TTLL7: variants seen among roughly 807,000 people sequenced by gnomAD.
TTLL7 encodes tubulin polyglutamylase TTLL7.
TTLL7 carries 53 observed loss-of-function variants against 120.2 expected under a neutral mutation model. The observed-to-expected ratio is 0.44, with a 90% confidence interval of 0.35 to 0.55. The LOEUF is 0.55. TTLL7 is among the 20% of genes least tolerant of loss of function. TTLL7 has a pLI of 0.00. For synonymous variants in TTLL7, 353 were observed against 351.7 expected (o/e 1.00, Z -0.04); for missense variants, 803 against 1,054.7 (o/e 0.76, Z 3.31).
intron 12 of TTLL7, chr1:83,920,376 C>A (rs563900803): frequency 6.6e-6 from 1 of 152,396 alleles, no homozygotes; most frequent in South Asian, 2.1e-4. Context: ...CTGAAGTATA[C>A]AAAAATGTAA....
intron 1 of TTLL7, among the ~76,000 whole-genome samples, chr1:83,967,481 G>C (rs963903433): frequency 6.6e-6 from 1 of 152,036 alleles, no homozygotes; most frequent in African/African-American, 2.4e-5. Context: ...AGGGGGAAAG[G>C]GCTGAACCTG....
intron 14 of TTLL7, chr1:83,912,900 G>A (rs573492322): frequency 1.3e-5 from 2 of 152,260 alleles, no homozygotes; most frequent in African/African-American, 4.8e-5. Flanking sequence ...ATGAATTCTA[G>A]AGGAAGGTTG....
chr1:83,976,446 G>C (rs1254113572), intron 1 of TTLL7, among the ~76,000 whole-genome samples: 2 of 152,034 alleles, frequency 1.3e-5, no homozygotes, highest in Non-Finnish European at 2.9e-5. Context: ...AAACAAAACA[G>C]AGAGTTTGAT....
chr1:83,947,882 T>A (rs997397984), intron 5 of TTLL7, among the ~76,000 whole-genome samples: 1 of 152,016 alleles, frequency 6.6e-6, no homozygotes, highest in African/African-American at 2.4e-5. Flanking sequence ...TTTTAAAAAA[T>A]TATCAGTTTA....
intron 18 of TTLL7, 40 bp from the exon 19 acceptor site, chr1:83,890,521 T>C: frequency 1.3e-6 from 2 of 1,522,544 alleles, no homozygotes; most frequent in Non-Finnish European, 1.8e-6. Flanking sequence ...TAGGAATGTA[T>C]ATCTGTGTCT....
At chr1:83,899,273 A>T (rs956395474) in intron 18 of TTLL7, among the ~76,000 whole-genome samples, 2 of 151,866 alleles carry the variant, frequency 1.3e-5, no homozygotes, top group Admixed American at 1.3e-4. Flanking sequence ...GAAATTTGAG[A>T]CTGTTTTGGG....
At chr1:83,941,965 CTACT>C (rs1416699706) in intron 7 of TTLL7, among the ~76,000 whole-genome samples, 9 of 152,120 alleles carry the variant, frequency 5.9e-5, no homozygotes, top group Admixed American at 3.3e-4. Context: ...AAATTAATAA[CTACT>C]TTCTGATAAC....
chr1:83,916,978 G>T (rs567106374), intron 14 of TTLL7, among the ~76,000 whole-genome samples: 1 of 151,898 alleles, frequency 6.6e-6, no homozygotes, highest in Non-Finnish European at 1.5e-5. Context: ...GCATGTGCCT[G>T]TAATCCCAGC....
intron 7 of TTLL7, 32 bp from the exon 8 acceptor site, chr1:83,938,048 C>G: frequency 6.2e-7 from 1 of 1,606,180 alleles, no homozygotes; most frequent in Non-Finnish European, 8.5e-7. Context: ...GTTGTTACCA[C>G]CTATGACATC....
chr1:83,943,231 T>C (rs143566356), intron 6 of TTLL7, among the ~76,000 whole-genome samples: 429 of 152,248 alleles, frequency 2.8e-3, no homozygotes, highest in African/African-American at 9.7e-3. Flanking sequence ...GGGCAGACAA[T>C]AGACCAATTA....
chr1:83,988,222 T>C (rs1652660709), intron 1 of TTLL7, among the ~76,000 whole-genome samples: 1 of 152,238 alleles, frequency 6.6e-6, no homozygotes, highest in African/African-American at 2.4e-5. Flanking sequence ...TCATTCTTTT[T>C]ATGGCTGCGT....
intron 1 of TTLL7, among the ~76,000 whole-genome samples, chr1:83,998,252 A>G (rs1362014478): frequency 6.6e-6 from 1 of 152,220 alleles, no homozygotes; most frequent in Non-Finnish European, 1.5e-5. Flanking sequence ...TTAATAAAAT[A>G]CGATATATAA....
At chr1:83,997,426 A>G (rs1653585692) in intron 1 of TTLL7, among the ~76,000 whole-genome samples, 1 of 152,234 alleles carries the variant, frequency 6.6e-6, no homozygotes, top group Non-Finnish European at 1.5e-5. Context: ...GAAGGTCAAT[A>G]TAATTGTTGA....
At chr1:83,893,981 AT>A (rs1656006030) in intron 18 of TTLL7, among the ~76,000 whole-genome samples, 1 of 152,126 alleles carries the variant, frequency 6.6e-6, no homozygotes, top group African/African-American at 2.4e-5. Context: ...TCACAACAAT[AT>A]TGAAATATGA....
intron 19 of TTLL7, among the ~76,000 whole-genome samples, chr1:83,888,769 TAAG>T (rs950933365): frequency 2.0e-5 from 3 of 151,630 alleles, no homozygotes; most frequent in Non-Finnish European, 4.4e-5. Context: ...ACTGGGGAAA[TAAG>T]AAGAAAACAG....
At chr1:83,900,198 A>T in intron 18 of TTLL7, 1 of 439,086 alleles carries the variant, frequency 2.3e-6, no homozygotes, top group Non-Finnish European at 4.5e-6. Flanking sequence ...CTAACTAGTA[A>T]GGAAAGAAGA....
At position 83,867,647 on chromosome 1, in the gene TTLL7, C is replaced by T. The variant is rs567661089; in HGVS notation, c.*2315G>A. 1.3e-4 allele frequency: 19 copies of T among 151,964 alleles called. No individual in the cohort carries two copies. Among genetic ancestry groups the T allele is most frequent in the African/African-American group, 4.1e-4 (17 of 41,498 alleles). 9.4% of individuals were successfully genotyped at this position (151,964 alleles called of 1,614,324 possible). Reference sequence around the variant, plus strand: ...TGGTACAAAAGTTGCAAAGCACACACTCCAGCAAATTAAGTAATTATTTGT... The same window carrying T: ...TGGTACAAAAGTTGCAAAGCACACATTCCAGCAAATTAAGTAATTATTTGT... On this transcript the variant is annotated 3_prime_UTR_variant, in exon 21 of 21. Coordinates refer to ENST00000260505, the MANE Select transcript of TTLL7 (RefSeq NM_024686.6).
intron 20 of TTLL7, among the ~76,000 whole-genome samples, chr1:83,873,146 A>G (rs552810074): frequency 1.3e-5 from 2 of 152,336 alleles, no homozygotes; most frequent in South Asian, 2.1e-4. Flanking sequence ...CCGCAAACCT[A>G]AACTTTTTCA....
In TTLL7 at chr1:83,869,946, G is replaced by A. The variant is rs772800228; in HGVS notation, c.*16C>T. On this transcript the variant is annotated 3_prime_UTR_variant, in exon 21 of 21. Transcript: ENST00000260505. ...ATTGCTGTTATGTATAACCAATGGC[G>A]ATCTTCCCTTCTGTTTCACAGATGG... The A allele has an allele frequency of 5.0e-6, 8 of 1,593,406 alleles. No individual in the cohort carries two copies. Among genetic ancestry groups the A allele is most frequent in the South Asian group, 1.2e-5 (1 of 86,136 alleles).
Sources: allele counts gnomAD v4.1 joint callset (sites outside exome capture counted in the v4.1 genomes callset), GRCh38; gene constraint gnomAD v4.1.1; transcripts MANE v1.5; gene names NCBI Gene and HGNC (gene_info 2026-07-23, HGNC 2026-07-21).